Variants in PDZRN4 observed in about 807,000 individuals in gnomAD.
PDZRN4 encodes the protein PDZ domain containing ring finger 4.
PDZRN4 carries 70 observed loss-of-function variants against 99.0 expected under a neutral mutation model. That is an observed-to-expected ratio of 0.71 (90% CI 0.58 to 0.86). PDZRN4 has a LOEUF of 0.86. PDZRN4 is among the 40% of genes least tolerant of loss of function. The pLI is 0.00. For synonymous variants in PDZRN4, 551 were observed against 501.6 expected (o/e 1.10, Z -1.32); for missense variants, 1,474 against 1,331.2 (o/e 1.11, Z -1.67).
At chr12:41,358,818 T>C (rs1294434070) in intron 3 of PDZRN4, among the ~76,000 whole-genome samples, 1 of 152,030 alleles carries the variant, frequency 6.6e-6, no homozygotes, top group East Asian at 1.9e-4. Flanking sequence ...TTACATATTG[T>C]GAGCACATGT....
intron 3 of PDZRN4, among the ~76,000 whole-genome samples, chr12:41,297,352 G>C (rs1951503162): frequency 6.6e-6 from 1 of 152,072 alleles, no homozygotes; most frequent in African/African-American, 2.4e-5. Context: ...AAATCTGATA[G>C]AACAAATGAA....
chr12:41,304,008 A>G (rs1951553435), intron 3 of PDZRN4, among the ~76,000 whole-genome samples: 1 of 152,194 alleles, frequency 6.6e-6, no homozygotes, highest in East Asian at 1.9e-4. Flanking sequence ...ACACAGACAT[A>G]TAAAGATATT....
intron 5 of PDZRN4, among the ~76,000 whole-genome samples, chr12:41,551,480 G>A (rs1339765748): frequency 6.6e-6 from 1 of 151,994 alleles, no homozygotes; most frequent in Non-Finnish European, 1.5e-5. Context: ...TCCAATCAAA[G>A]AGGAAAGACT....
chr12:41,262,732 C>A (rs560182554), intron 3 of PDZRN4, among the ~76,000 whole-genome samples: 2 of 152,138 alleles, frequency 1.3e-5, no homozygotes, highest in Admixed American at 1.3e-4. Flanking sequence ...TAGTCATGAG[C>A]TGAATACTGT....
intron 3 of PDZRN4, chr12:41,437,751 G>A: frequency 1.3e-5 from 19 of 1,490,676 alleles, no homozygotes; most frequent in South Asian, 4.1e-5. Flanking sequence ...GATACTTAGG[G>A]AAAGCGAAGA....
Position 41,399,376 on chromosome 12 carries a change from A to G in PDZRN4, c.844-107080A>G, listed in dbSNP as rs534071098. 2.6e-5 allele frequency among the ~76,000 whole-genome samples: 4 copies of G among 152,260 alleles called. No homozygotes were observed. The South Asian group carries it at 8.3e-4, about 32-fold the overall frequency. On this transcript the variant is annotated intron_variant, in intron 3 of 9. Transcript: ENST00000402685. Reference sequence around the variant, plus strand: ...TTTCTGCCTATTTTGCCAACTTGCTAAAGATTTCTTTTTCTTTTCTTTCTC... The same window carrying G: ...TTTCTGCCTATTTTGCCAACTTGCTGAAGATTTCTTTTTCTTTTCTTTCTC...
chr12:41,204,056 A>ATGCAAATAAG (rs1157066010), intron 3 of PDZRN4, among the ~76,000 whole-genome samples: 4 of 151,924 alleles, frequency 2.6e-5, no homozygotes, highest in Non-Finnish European at 5.9e-5. Context: ...TAGCAAATAA[A>ATGCAAATAAG]TGCAATAGAA....
chr12:41,437,422 AT>A (rs1219130399), intron 3 of PDZRN4, among the ~76,000 whole-genome samples: 1 of 152,188 alleles, frequency 6.6e-6, no homozygotes, highest in South Asian at 2.1e-4. Flanking sequence ...AAAAGCTTAT[AT>A]CAATGGAGAA....
intron 3 of PDZRN4, among the ~76,000 whole-genome samples, chr12:41,362,064 T>A (rs1375911550): frequency 6.6e-6 from 1 of 151,890 alleles, no homozygotes; most frequent in Non-Finnish European, 1.5e-5. Context: ...ATCACAAACA[T>A]CTGAACCATA....
At chr12:41,335,112 C>A (rs2121002457) in intron 3 of PDZRN4, among the ~76,000 whole-genome samples, 1 of 152,132 alleles carries the variant, frequency 6.6e-6, no homozygotes. Flanking sequence ...TGAAAGTCTA[C>A]TGTTCATGCA....
intron 3 of PDZRN4, among the ~76,000 whole-genome samples, chr12:41,286,336 CTTTT>C (rs71081721): frequency 0.017 from 1,836 of 106,356 alleles, 16 homozygotes; most frequent in African/African-American, 0.021. Context: ...CCTTCTTCTT[CTTTT>C]TTTTTTTTTT....
At chr12:41,296,145 G>T (rs1951492184) in intron 3 of PDZRN4, among the ~76,000 whole-genome samples, 1 of 152,118 alleles carries the variant, frequency 6.6e-6, no homozygotes, top group Admixed American at 6.5e-5. Flanking sequence ...TGTCAAAATT[G>T]TTGCACCCAG....
At chr12:41,518,898 T>C (rs545609516) in intron 5 of PDZRN4, among the ~76,000 whole-genome samples, 9 of 152,132 alleles carry the variant, frequency 5.9e-5, no homozygotes, top group African/African-American at 1.9e-4. Context: ...TAGTGAGCTC[T>C]GATCACACCA....
intron 3 of PDZRN4, among the ~76,000 whole-genome samples, chr12:41,301,627 C>CA (rs1951536111): frequency 6.6e-6 from 1 of 151,946 alleles, no homozygotes; most frequent in South Asian, 2.1e-4. Flanking sequence ...TATAACCCCC[C>CA]AAAAAAGATA....
intron 3 of PDZRN4, among the ~76,000 whole-genome samples, chr12:41,433,489 G>A (rs756289313): frequency 4.6e-5 from 7 of 152,160 alleles, no homozygotes; most frequent in East Asian, 1.9e-4. Context: ...TCAAAAGCAC[G>A]TAAGTATCTC....
At chr12:41,493,696 G>T (rs1937933904) in intron 3 of PDZRN4, among the ~76,000 whole-genome samples, 1 of 152,064 alleles carries the variant, frequency 6.6e-6, no homozygotes, top group Admixed American at 6.6e-5. Context: ...CACTCATAGT[G>T]ATTGTGTCCA....
chr12:41,525,968 T>C (rs1938561517), intron 5 of PDZRN4, among the ~76,000 whole-genome samples: 1 of 152,218 alleles, frequency 6.6e-6, no homozygotes, highest in Non-Finnish European at 1.5e-5. Context: ...CTCATTTATT[T>C]CTCAACCCAT....
intron 5 of PDZRN4, among the ~76,000 whole-genome samples, chr12:41,515,082 G>T (rs976803009): frequency 1.2e-4 from 18 of 151,992 alleles, no homozygotes; most frequent in African/African-American, 3.9e-4. Context: ...GGAAATAAGC[G>T]CTTCCCCCAC....
intron 3 of PDZRN4, among the ~76,000 whole-genome samples, chr12:41,242,241 T>C (rs1196940410): frequency 2.0e-5 from 3 of 152,200 alleles, no homozygotes; most frequent in Non-Finnish European, 4.4e-5. Flanking sequence ...GAAAAGAAGA[T>C]GTCATACTGA....
Sources: allele counts gnomAD v4.1 joint callset (sites outside exome capture counted in the v4.1 genomes callset), GRCh38; gene constraint gnomAD v4.1.1; transcripts MANE v1.5; gene names NCBI Gene and HGNC (gene_info 2026-07-23, HGNC 2026-07-21).